Variants in PDE11A observed in about 807,000 individuals in gnomAD.
PDE11A encodes the protein dual 3',5'-cyclic-AMP and -GMP phosphodiesterase 11A.
PDE11A carries 100 observed loss-of-function variants against 100.5 expected under a neutral mutation model. The ratio of observed to expected loss-of-function variants is 1.00; its 90% CI spans 0.85 to 1.18. The LOEUF (loss-of-function observed/expected upper bound fraction) is 1.18. PDE11A is among the 50% of genes most tolerant of loss of function. The pLI is 0.00. For missense variants in PDE11A, 1,141 were observed against 1,152.6 expected (o/e 0.99, Z 0.15); for synonymous variants, 381 against 420.8 (o/e 0.91, Z 1.16).
chr2:177,767,070 G>T (rs754632070), intron 10 of PDE11A, among the ~76,000 whole-genome samples: 5 of 152,198 alleles, frequency 3.3e-5, no homozygotes, highest in Non-Finnish European at 7.4e-5. Context: ...GGTGGCTCAT[G>T]CCTGTAATCC....
chr2:177,682,428 AT>A (rs1337440822), intron 15 of PDE11A, among the ~76,000 whole-genome samples: 2 of 152,242 alleles, frequency 1.3e-5, no homozygotes, highest in African/African-American at 4.8e-5. Context: ...AAACTTCTAA[AT>A]TGATTAAGTC....
chr2:177,768,104 G>C (rs1306734151), intron 10 of PDE11A, among the ~76,000 whole-genome samples: 1 of 152,194 alleles, frequency 6.6e-6, no homozygotes, highest in East Asian at 1.9e-4. Context: ...AGCCTGAGCA[G>C]TTCCTATGCT....
chr2:177,846,170 A>T (rs906204765), intron 5 of PDE11A, among the ~76,000 whole-genome samples: 1 of 152,174 alleles, frequency 6.6e-6, no homozygotes, highest in South Asian at 2.1e-4. Context: ...AGGTAATTTT[A>T]TGTTATGATT....
At chr2:177,717,929 G>A (rs1042206574) in intron 12 of PDE11A, among the ~76,000 whole-genome samples, 1 of 151,192 alleles carries the variant, frequency 6.6e-6, no homozygotes, top group East Asian at 1.9e-4. Flanking sequence ...GTGAATGGGG[G>A]AATATCATAG....
At chr2:177,869,586 A>G (rs940168632) in intron 5 of PDE11A, among the ~76,000 whole-genome samples, 6 of 152,190 alleles carry the variant, frequency 3.9e-5, no homozygotes, top group Non-Finnish European at 8.8e-5. Flanking sequence ...GACAATCCAG[A>G]ATAATCTCCC....
rs2083047552 is a variant in PDE11A at position 177,816,902 on chromosome 2, C to A, written c.1664G>T (p.Gly555Val). 2 of 1,608,484 alleles carry A rather than the reference C, an allele frequency of 1.2e-6. No homozygotes were observed. The highest frequency in any genetic ancestry group is 1.7e-4 in the Middle Eastern group (1 of 6,050). Residue 555 changes from glycine to valine, a missense_variant, in exon 9 of 20, where the codon GGA becomes GTA. Coordinates refer to ENST00000286063, the MANE Select transcript of PDE11A (RefSeq NM_016953.4). ...RLFEAFVIFC[G>V]LGINNTIMYD... is the part of the protein sequence containing the mutation. ...CATAATTGTGTTGTTGATGCCAAGTCCACAAAAGATGACAAAAGCCTAGGA... is the reference window on the plus strand; with the variant it reads ...CATAATTGTGTTGTTGATGCCAAGTACACAAAAGATGACAAAAGCCTAGGA...
At chr2:177,699,907 C>T (rs890437007) in intron 14 of PDE11A, among the ~76,000 whole-genome samples, 1 of 152,182 alleles carries the variant, frequency 6.6e-6, no homozygotes, top group African/African-American at 2.4e-5. Flanking sequence ...GTTTGTTTCC[C>T]TGAGGAAACC....
At chr2:178,074,896 A>C (rs2087188151), upstream of PDE11A, among the ~76,000 whole-genome samples, 1 of 152,170 alleles carries the variant, frequency 6.6e-6, no homozygotes, top group Non-Finnish European at 1.5e-5. Flanking sequence ...GACAGAAAGC[A>C]CACATAAGAT....
intron 19 of PDE11A, among the ~76,000 whole-genome samples, chr2:177,646,261 G>C (rs890683792): frequency 6.6e-6 from 1 of 152,178 alleles, no homozygotes; most frequent in African/African-American, 2.4e-5. Context: ...TTTAAAAACT[G>C]TATTCAACTG....
At position 177,998,712 on chromosome 2, in the gene PDE11A, C is replaced by G. The variant is rs112674309; in HGVS notation, c.1071+15590G>C. ...ATAGGCATCTTTATGCTGGCCCACT[C>G]GCTCCGTGGTATCGGCCATGATGCC... is the stretch of plus-strand genomic sequence containing the variant. On this transcript the variant is annotated intron_variant, in intron 2 of 19. Transcript: ENST00000286063. The G allele has an allele frequency of 3.8e-4, 390 of 1,038,420 alleles. 3 individuals carry two copies. In the African/African-American group the frequency reaches 5.8e-3, roughly 15 times the overall value. 64.3% of individuals were successfully genotyped at this position (1,038,420 alleles called of 1,614,324 possible). A position where few individuals can be genotyped will look rare whatever the true frequency, so the allele number is the denominator to read the frequency against.
rs745817816 is a variant in PDE11A at position 177,820,312 on chromosome 2, A to T, written c.1501-17T>A. On this transcript the variant is annotated splice_polypyrimidine_tract_variant and intron_variant, in intron 6 of 19. Transcript: ENST00000286063. ...CTGGTCTGCCTAGGAAACAAGAAAG[A>T]AGTTAATTAAAATTGAATATTAACT... The T allele has an allele frequency of 3.5e-6, 5 of 1,419,486 alleles. No individual in the cohort carries two copies. The highest frequency in any genetic ancestry group is 1.7e-5 in the Admixed American group (1 of 59,340). 87.9% of individuals were successfully genotyped at this position (1,419,486 alleles called of 1,614,324 possible).
intron 14 of PDE11A, among the ~76,000 whole-genome samples, chr2:177,697,808 C>T (rs2081135934): frequency 6.6e-6 from 1 of 152,184 alleles, no homozygotes; most frequent in Non-Finnish European, 1.5e-5. Flanking sequence ...AAAATAAATG[C>T]TATTTTCACT....
At chr2:177,967,490 T>C (rs1485343147) in intron 2 of PDE11A, among the ~76,000 whole-genome samples, 1 of 152,120 alleles carries the variant, frequency 6.6e-6, no homozygotes, top group East Asian at 1.9e-4. Context: ...TGAGTGACTA[T>C]GCCCAGCCTC....
At chr2:177,659,829 C>A (rs73977697) in intron 19 of PDE11A, among the ~76,000 whole-genome samples, 10,112 of 151,922 alleles carry the variant, frequency 0.067, 931 homozygotes, top group African/African-American at 0.21. Flanking sequence ...GCTAATGGAT[C>A]CCCAGCAGGG....
chr2:177,759,212 A>G (rs1322393778), intron 10 of PDE11A, among the ~76,000 whole-genome samples: 11 of 151,144 alleles, frequency 7.3e-5, no homozygotes, highest in African/African-American at 2.7e-4. Flanking sequence ...CGCACACACA[A>G]ATGGAAACAG....
chr2:178,000,029 A>G (rs947226206), intron 2 of PDE11A, among the ~76,000 whole-genome samples: 3 of 152,170 alleles, frequency 2.0e-5, no homozygotes, highest in Non-Finnish European at 4.4e-5. Context: ...ATTTCTAAAT[A>G]GAGTATGCAG....
In PDE11A at chr2:177,807,397, A is replaced by G. The variant is rs574868718; in HGVS notation, c.1737+9432T>C. 3.3e-5 allele frequency among the ~76,000 whole-genome samples: 5 copies of G among 152,180 alleles called. No homozygotes were observed. The East Asian group carries it at 9.6e-4, about 29-fold the overall frequency. On this transcript the variant is annotated intron_variant, in intron 9 of 19. Coordinates refer to ENST00000286063, the MANE Select transcript of PDE11A (RefSeq NM_016953.4). ...AACAATTGCATTGTTCTTATAATTT[A>G]AAAACATTTTTGTTTTTATTATTTT...
chr2:177,998,118 A>C, intron 2 of PDE11A: 1 of 1,261,194 alleles, frequency 7.9e-7, no homozygotes, highest in Non-Finnish European at 1.2e-6. Context: ...CGGCCTGTTC[A>C]GCCACCAACT....
intron 1 of PDE11A, among the ~76,000 whole-genome samples, chr2:178,064,838 T>C (rs569739190): frequency 6.6e-6 from 1 of 151,808 alleles, no homozygotes; most frequent in African/African-American, 2.4e-5. Flanking sequence ...ATCTCATAGG[T>C]TTCCCCTTTT....
Sources: allele counts gnomAD v4.1 joint callset (sites outside exome capture counted in the v4.1 genomes callset), GRCh38; gene constraint gnomAD v4.1.1; transcripts MANE v1.5; gene names NCBI Gene and HGNC (gene_info 2026-07-23, HGNC 2026-07-21).